The following PDE4A variants were observed in gnomAD, a reference collection of about 807,000 sequenced individuals.
PDE4A encodes phosphodiesterase 4A.
In PDE4A, 21 loss-of-function variants were observed where a neutral mutation model predicts 73.9. That is an observed-to-expected ratio of 0.28 (90% confidence interval 0.20 to 0.41). The LOEUF (loss-of-function observed/expected upper bound fraction) is 0.41, where lower values mean the gene tolerates loss of function less well. Among genes scored for constraint, PDE4A ranks in the 10% least tolerant of loss-of-function variants. The pLI is 1.00. For missense variants in PDE4A, 958 were observed against 1,211.4 expected (o/e 0.79, Z 3.10); for synonymous variants, 463 against 505.4 (o/e 0.92, Z 1.13).
At chr19:10,423,882 G>A (rs544203134) in intron 1 of PDE4A, among the ~76,000 whole-genome samples, 4 of 152,360 alleles carry the variant, frequency 2.6e-5, no homozygotes, top group Admixed American at 2.0e-4. Flanking sequence ...GGCTGTAGCT[G>A]GCATCAGTGC....
At chr19:10,432,981 G>A (rs1204502856) in intron 1 of PDE4A, among the ~76,000 whole-genome samples, 1 of 152,144 alleles carries the variant, frequency 6.6e-6, no homozygotes, top group East Asian at 1.9e-4. Flanking sequence ...CTCTCATGCT[G>A]GAGCTGCCAG....
chr19:10,455,037 C>T (rs2043149357), intron 7 of PDE4A, 115 bp downstream of exon 7: 1 of 956,292 alleles, frequency 1.0e-6, no homozygotes, highest in Admixed American at 2.0e-5. Context: ...ACTCTCAACT[C>T]CCCAAAGGTC....
chr19:10,431,415 T>C (rs1281021681), intron 1 of PDE4A, among the ~76,000 whole-genome samples: 1 of 152,226 alleles, frequency 6.6e-6, no homozygotes, highest in African/African-American at 2.4e-5. Flanking sequence ...TCTACTGGCC[T>C]GTGAAATGGG....
intron 1 of PDE4A, among the ~76,000 whole-genome samples, chr19:10,443,073 C>T (rs992143446): frequency 4.0e-5 from 6 of 151,518 alleles, no homozygotes; most frequent in Non-Finnish European, 7.4e-5. Context: ...CAGCCACTCC[C>T]GAGGCTTAGG....
chr19:10,432,344 G>A, intron 1 of PDE4A: 1 of 1,281,280 alleles, frequency 7.8e-7, no homozygotes. Flanking sequence ...CGGCAGTGGA[G>A]GCCGCAGACA....
rs760467814 is a variant in PDE4A, at chr19:10,446,394, C to A, written c.497C>A (p.Ser166Ter). 2 of 1,606,400 alleles carry A rather than the reference C, an allele frequency of 1.2e-6. No individual in the cohort carries two copies. Among genetic ancestry groups the A allele is most frequent in the Non-Finnish European group, 8.5e-7 (1 of 1,173,714 alleles). The part of the protein sequence containing the change: ...MSPKTMSRNS[S>*]VTSEAHAEDL... ...CCCAAGACCATGTCCCGGAACTCAT[C>A]GGTCACCAGCGAGGCGTGAGCATCC... Residue 166 changes from serine (S) to a stop codon, truncating the protein, a stop_gained, in exon 2 of 15, where the codon TCG (serine) becomes TAG (stop). Transcript: ENST00000380702. LOFTEE classifies it high-confidence loss of function.
intron 4 of PDE4A, among the ~76,000 whole-genome samples, chr19:10,449,453 G>A (rs866076219): frequency 2.0e-5 from 3 of 151,984 alleles, no homozygotes; most frequent in Admixed American, 6.6e-5. Flanking sequence ...TCTGCCTCCC[G>A]GGTTCAAGCA....
Position 10,425,153 on chromosome 19 carries a change from G to A in PDE4A, c.320+4069G>A, listed in dbSNP as rs146086122. 4.2e-3 allele frequency among the ~76,000 whole-genome samples: 641 copies of A among 152,042 alleles called. 2 individuals carry two copies. The highest frequency in any genetic ancestry group is 7.9e-3 in the South Asian group (38 of 4,812). ...GCAGGAGAATCGCTTGAACCCGGGA[G>A]GCAGAGGTTGCAGTGAGTCGAGATG... On this transcript the variant is annotated intron_variant, in intron 1 of 14. Transcript: ENST00000380702.
intron 1 of PDE4A, among the ~76,000 whole-genome samples, chr19:10,434,498 G>A (rs145685445): frequency 4.0e-5 from 6 of 151,854 alleles, no homozygotes; most frequent in South Asian, 2.1e-4. Flanking sequence ...GTGAGCCACC[G>A]TGCCTGGCCT....
intron 14 of PDE4A, among the ~76,000 whole-genome samples, chr19:10,465,223 A>AT (rs778177208): frequency 0.014 from 1,833 of 134,324 alleles, 42 homozygotes; most frequent in Admixed American, 0.069. Flanking sequence ...CCCCCTCCTC[A>AT]TTTTTTTTTT....
In PDE4A at chr19:10,450,859, C is replaced by T. The variant is rs755785279; in HGVS notation, c.701C>T (p.Thr234Ile). 3 of 1,611,852 alleles carry T rather than the reference C, an allele frequency of 1.9e-6. No individual in the cohort carries two copies. Among genetic ancestry groups the T allele is most frequent in the Non-Finnish European group, 1.7e-6 (2 of 1,179,132 alleles). The stretch of plus-strand genomic sequence containing the variant: ...ACGTGTCAGCAGTTGGCCCGGGAGA[C>T]TCTGGAGGAGCTGGACTGGTGTCTG... ...EETCQQLARE[T>I]LEELDWCLEQ... The change falls in exon 6 of 15, where the codon ACT (threonine) becomes ATT (isoleucine). Residue 234 changes from threonine (T) to isoleucine (I), a missense_variant. Coordinates refer to ENST00000380702, the MANE Select transcript of PDE4A (RefSeq NM_001111307.2).
rs1024549019 is a variant in PDE4A, at chr19:10,463,905, G to A, written c.1856G>A (p.Arg619Gln). The change falls in exon 14 of 15, where the codon CGA becomes CAA. Residue 619 changes from arginine (R) to glutamine (Q), a missense_variant. Around this residue, in one of 3 missense-constraint regions of PDE4A, gnomAD observed 570 missense variants for 827.7 expected, o/e 0.69. Transcript: ENST00000380702. The part of the protein sequence containing the change: ...IMAEFFQQGD[R>Q]ERERGMEISP... ...GCCGAGTTCTTCCAGCAGGGTGACC[G>A]AGAGCGCGAGCGTGGCATGGAAATC... 9 of 1,613,982 alleles carry A rather than the reference G, an allele frequency of 5.6e-6. No individual in the cohort carries two copies. The highest frequency in any genetic ancestry group is 1.3e-5 in the African/African-American group (1 of 74,898).
At chr19:10,459,836 AC>A in intron 10 of PDE4A, 77 bp downstream of exon 10, 1 of 1,458,328 alleles carries the variant, frequency 6.9e-7, no homozygotes, top group Non-Finnish European at 9.2e-7. Flanking sequence ...TGTCTCTCTG[AC>A]CCTGTGTCTC....
chr19:10,460,418 G>A (rs2043244549), intron 10 of PDE4A, among the ~76,000 whole-genome samples: 2 of 151,778 alleles, frequency 1.3e-5, no homozygotes, highest in Non-Finnish European at 2.9e-5. Flanking sequence ...AGAATCGCTG[G>A]AACCCAGTAG....
Position 10,444,657 on chromosome 19 carries a change from G to T in PDE4A, c.321-1561G>T, listed in dbSNP as rs186461348. On this transcript the variant is annotated intron_variant, in intron 1 of 14. Transcript: ENST00000380702. ...AGCCTGTGCAAAGGCCCTGAGGCAG[G>T]ACTGTGTCTGAGATTTTTTTTTTTT... Among the ~76,000 whole-genome samples the T allele has an allele frequency of 4.0e-5, 6 of 151,434 alleles. No homozygotes were observed. The East Asian group carries it at 1.2e-3, about 29-fold the overall frequency.
At position 10,458,207 on chromosome 19, in the gene PDE4A, G is replaced by C. The variant is rs145530718; in HGVS notation, c.1101+105G>C. 0.019 allele frequency: 20,265 copies of C among 1,084,852 alleles called. 277 individuals carry two copies. Among genetic ancestry groups the C allele is most frequent in the South Asian group, 0.034 (2,336 of 68,724 alleles). 67.2% of individuals were successfully genotyped at this position (1,084,852 alleles called of 1,614,324 possible). ...TCTTAGGCCAGGTTTCCCAGAAGCA[G>C]AGCTTGAGATGAGGGTTTGAGCCCA... On this transcript the variant is annotated intron_variant, in intron 8 of 14. Coordinates refer to ENST00000380702, the MANE Select transcript of PDE4A (RefSeq NM_001111307.2). The surrounding 1 kb of genome is among the most constrained non-coding windows in gnomAD (Gnocchi z 4.6).
chr19:10,416,803 T>C (rs1303821874), upstream of PDE4A: 4 of 1,517,578 alleles, frequency 2.6e-6, no homozygotes, highest in East Asian at 2.5e-5. Context: ...AATAGGCAAG[T>C]GGCGGGGGCG....
chr19:10,427,356 C>T (rs1357498845), intron 1 of PDE4A: 4 of 319,060 alleles, frequency 1.3e-5, no homozygotes, highest in African/African-American at 9.0e-5. Flanking sequence ...AGGGTGCCAA[C>T]CAGAGGGAAG....
At chr19:10,427,764 C>G in intron 1 of PDE4A, 1 of 974,052 alleles carries the variant, frequency 1.0e-6, no homozygotes, top group Non-Finnish European at 1.2e-6. Flanking sequence ...AAACCGTATT[C>G]CCAAGGGCTG....
Sources: allele counts gnomAD v4.1 joint callset (sites outside exome capture counted in the v4.1 genomes callset), GRCh38; gene constraint gnomAD v4.1.1; regional missense constraint gnomAD v4.1.1; non-coding constraint Gnocchi (gnomAD v3.1); transcripts MANE v1.5; gene names NCBI Gene and HGNC (gene_info 2026-07-23, HGNC 2026-07-21).